MAPK10: variants seen among roughly 807,000 people sequenced by gnomAD.
The protein encoded by MAPK10 is mitogen-activated protein kinase 10, also known as JNK3 alpha protein kinase.
A neutral mutation model predicts 59.3 loss-of-function variants in MAPK10; 25 were observed. That is an observed-to-expected ratio of 0.42 (90% confidence interval 0.31 to 0.59). MAPK10 has a LOEUF of 0.59. Among genes scored for constraint, MAPK10 ranks in the 20% least tolerant of loss-of-function variants. The pLI is 0.15. For missense variants in MAPK10, 351 were observed against 568.9 expected, an observed-to-expected ratio of 0.62 and a Z score of 3.90; for synonymous variants, 190 against 200.5, an observed-to-expected ratio of 0.95 and a Z score of 0.44.
intron 1 of MAPK10, among the ~76,000 whole-genome samples, chr4:86,498,002 G>T (rs907661551): frequency 2.6e-5 from 4 of 152,204 alleles, no homozygotes; most frequent in Non-Finnish European, 5.9e-5. Flanking sequence ...TAATTGGTGT[G>T]TTAGGGAGAA....
intron 2 of MAPK10, among the ~76,000 whole-genome samples, chr4:86,257,217 T>TTTTATTGTA (rs1247349389): frequency 1.3e-5 from 2 of 152,220 alleles, no homozygotes; most frequent in South Asian, 2.1e-4. Flanking sequence ...TATTAACTTA[T>TTTTATTGTA]TTTATTGTAT....
At chr4:86,359,288 C>CTCTCTCTCTCTCCCTGTG (rs796310826) in intron 1 of MAPK10, among the ~76,000 whole-genome samples, 1 of 94,608 alleles carries the variant, frequency 1.1e-5, no homozygotes, top group African/African-American at 5.3e-5. Context: ...CTCTCTCTCT[C>CTCTCTCTCTCTCCCTGTG]TGTGTGTGTG....
intron 11 of MAPK10, among the ~76,000 whole-genome samples, chr4:86,039,825 A>G (rs759153951): frequency 1.8e-4 from 27 of 152,136 alleles, no homozygotes; most frequent in Admixed American, 3.3e-4. Context: ...AGGCCTATCC[A>G]TGGGGACTCA....
chr4:86,531,213 C>A (rs921372136), intron 1 of MAPK10, among the ~76,000 whole-genome samples: 5 of 152,180 alleles, frequency 3.3e-5, no homozygotes, highest in African/African-American at 9.7e-5. Flanking sequence ...TTATCAAACC[C>A]TAAGGTTAAT....
intron 13 of MAPK10, chr4:86,026,886 T>C (rs559355573): frequency 6.6e-6 from 1 of 152,250 alleles, no homozygotes; most frequent in Admixed American, 6.5e-5. Flanking sequence ...AATTTAACAA[T>C]TGGCTCTGCA....
chr4:86,433,957 G>GT (rs1190508171), intron 1 of MAPK10, among the ~76,000 whole-genome samples: 1 of 152,010 alleles, frequency 6.6e-6, no homozygotes, highest in Non-Finnish European at 1.5e-5. Context: ...GGAGAAAAGC[G>GT]TTTTTTCCAT....
At chr4:86,525,021 G>A (rs932134432) in intron 1 of MAPK10, among the ~76,000 whole-genome samples, 14 of 151,772 alleles carry the variant, frequency 9.2e-5, no homozygotes, top group African/African-American at 3.4e-4. Flanking sequence ...AAGCAGTCCA[G>A]GCATGATGGC....
chr4:86,169,143 A>T (rs1467944662), intron 3 of MAPK10, among the ~76,000 whole-genome samples: 1 of 152,200 alleles, frequency 6.6e-6, no homozygotes, highest in Non-Finnish European at 1.5e-5. Context: ...CGGAAACTCT[A>T]AAAAGCAGAG....
At chr4:86,584,285 G>A (rs980563716) in intron 1 of MAPK10, among the ~76,000 whole-genome samples, 1 of 152,148 alleles carries the variant, frequency 6.6e-6, no homozygotes, top group Admixed American at 6.5e-5. Flanking sequence ...CTGTCACAGA[G>A]GGTATAAGCA....
chr4:86,031,150 T>G (rs2148917674), intron 12 of MAPK10, among the ~76,000 whole-genome samples: 1 of 152,342 alleles, frequency 6.6e-6, no homozygotes. Flanking sequence ...AGTACCATTT[T>G]AAAAGGTATC....
intron 2 of MAPK10, among the ~76,000 whole-genome samples, chr4:86,216,928 ATAT>A (rs1406722433): frequency 6.6e-6 from 1 of 152,192 alleles, no homozygotes; most frequent in Non-Finnish European, 1.5e-5. Flanking sequence ...ATAAGGTGAA[ATAT>A]TATTACAGCA....
intron 1 of MAPK10, among the ~76,000 whole-genome samples, chr4:86,410,658 C>A (rs1321379771): frequency 6.6e-6 from 1 of 152,108 alleles, no homozygotes; most frequent in East Asian, 1.9e-4. Context: ...GGAATTTATC[C>A]ATTTCTTCTA....
At chr4:86,531,207 C>A (rs1233001230) in intron 1 of MAPK10, among the ~76,000 whole-genome samples, 2 of 152,216 alleles carry the variant, frequency 1.3e-5, no homozygotes, top group African/African-American at 2.4e-5. Context: ...CTCTGTTTAT[C>A]AAACCCTAAG....
At chr4:86,312,717 G>A (rs1040840553) in intron 2 of MAPK10, among the ~76,000 whole-genome samples, 1 of 152,004 alleles carries the variant, frequency 6.6e-6, no homozygotes, top group Non-Finnish European at 1.5e-5. Context: ...GGAATTCAGG[G>A]AACGACACTA....
chr4:86,284,146 GT>G, intron 2 of MAPK10, among the ~76,000 whole-genome samples: 1 of 152,244 alleles, frequency 6.6e-6, no homozygotes, highest in Non-Finnish European at 1.5e-5. Context: ...CCTTTTACAT[GT>G]AATGCAATAC....
intron 1 of MAPK10, among the ~76,000 whole-genome samples, chr4:86,433,045 A>G: frequency 6.6e-6 from 1 of 152,198 alleles, no homozygotes; most frequent in East Asian, 1.9e-4. Flanking sequence ...CAGGGGCTGT[A>G]GTTTGTCCCA....
intron 3 of MAPK10, among the ~76,000 whole-genome samples, chr4:86,186,429 A>T (rs547756856): frequency 6.6e-6 from 1 of 152,176 alleles, no homozygotes; most frequent in Non-Finnish European, 1.5e-5. Context: ...TCTCATAGAA[A>T]ATCTATGCTC....
intron 3 of MAPK10, among the ~76,000 whole-genome samples, chr4:86,179,704 G>A (rs146644757): frequency 1.2e-4 from 18 of 152,076 alleles, no homozygotes; most frequent in African/African-American, 4.1e-4. Context: ...ACATATCTAC[G>A]CCAACTACCT....
intron 1 of MAPK10, among the ~76,000 whole-genome samples, chr4:86,379,962 G>A (rs1003857938): frequency 2.4e-4 from 36 of 152,080 alleles, no homozygotes; most frequent in African/African-American, 2.2e-4. Flanking sequence ...TCGGCAGGGC[G>A]CAGTGGCTCA....
Sources: allele counts gnomAD v4.1 joint callset (sites outside exome capture counted in the v4.1 genomes callset), GRCh38; gene constraint gnomAD v4.1.1; transcripts MANE v1.5; gene names NCBI Gene and HGNC (gene_info 2026-07-23, HGNC 2026-07-21).